Variants in RHCE observed in about 807,000 individuals in gnomAD.
RHCE encodes Rh blood group CcEe antigens, also known as blood group Rh(CE) polypeptide.
A neutral mutation model predicts 43.8 loss-of-function variants in RHCE; 22 were observed. The ratio of observed to expected loss-of-function variants is 0.50; its 90% CI spans 0.36 to 0.72. The LOEUF is 0.72. Ranked by LOEUF, RHCE falls within the 30% of genes least tolerant of loss-of-function variation. RHCE has a pLI of 0.00. For synonymous variants in RHCE, 156 were observed against 210.7 expected, an observed-to-expected ratio of 0.74 and a Z score of 2.25; for missense variants, 385 against 525.4, an observed-to-expected ratio of 0.73 and a Z score of 2.61.
Position 25,420,681 on chromosome 1 carries a change from C to A in RHCE, c.106G>T (p.Ala36Ser), listed in dbSNP as rs145034271. ...AGCCCCTTTTGATCCTCTAAGGAAG[C>A]GTCATAGTGGGTAAAAAAATAGAAG... The part of the protein sequence containing the change: ...LLFYFFTHYD[A>S]SLEDQKGLVA... The change falls in exon 1 of 10, where the codon GCT becomes TCT. Residue 36 changes from alanine (A) to serine (S), a missense_variant. Transcript: ENST00000294413. The A allele has an allele frequency of 2.5e-6, 4 of 1,613,668 alleles. No individual in the cohort carries two copies. The East Asian group carries it at 6.7e-5, about 27-fold the overall frequency.
rs184903822 is a variant in RHCE at position 25,373,045 on chromosome 1, C to A, written c.1153+2304G>T. On this transcript the variant is annotated intron_variant, in intron 8 of 9. Coordinates refer to ENST00000294413, the MANE Select transcript of RHCE (RefSeq NM_020485.8). Reference sequence around the variant, plus strand: ...TGAACTCCTGGCCTCAAGCTATTCTCCCACCTCAGCTTTCCAAAGTGCTGG... The same window carrying A: ...TGAACTCCTGGCCTCAAGCTATTCTACCACCTCAGCTTTCCAAAGTGCTGG... Among the ~76,000 whole-genome samples, 622 of 151,660 alleles carry A rather than the reference C, an allele frequency of 4.1e-3. 24 individuals are homozygous for A. Among genetic ancestry groups the A allele is most frequent in the African/African-American group, 0.014 (563 of 41,006 alleles).
At chr1:25,382,500 T>A (rs1028459288) in intron 7 of RHCE, among the ~76,000 whole-genome samples, 9 of 149,312 alleles carry the variant, frequency 6.0e-5, no homozygotes, top group African/African-American at 2.3e-4. Flanking sequence ...AACCCAAACC[T>A]GCTGACTGCC....
chr1:25,411,818 G>A (rs1647088920), intron 1 of RHCE, among the ~76,000 whole-genome samples: 1 of 152,188 alleles, frequency 6.6e-6, no homozygotes, highest in African/African-American at 2.4e-5. Flanking sequence ...TGAGGCTTGT[G>A]TTCAGTTGGA....
At chr1:25,379,371 C>T (rs1407094476) in intron 7 of RHCE, among the ~76,000 whole-genome samples, 2 of 146,986 alleles carry the variant, frequency 1.4e-5, no homozygotes, top group Non-Finnish European at 3.0e-5. Flanking sequence ...TTGAGGGATG[C>T]ATTCAAACCA....
intron 3 of RHCE, 77 bp downstream of exon 3, chr1:25,402,519 C>G: frequency 6.2e-7 from 1 of 1,612,234 alleles, no homozygotes. Context: ...CTTTATTTTT[C>G]AAAACCCCGG....
At chr1:25,424,626 G>C (rs2042791349), upstream of RHCE, among the ~76,000 whole-genome samples, 1 of 151,950 alleles carries the variant, frequency 6.6e-6, no homozygotes, top group Admixed American at 6.6e-5. Flanking sequence ...GACCTCAAGT[G>C]ATCCACCTGC....
At chr1:25,379,491 ATATATTTTTTTTTT>A (rs1374555301) in intron 7 of RHCE, among the ~76,000 whole-genome samples, 51 of 18,166 alleles carry the variant, frequency 2.8e-3, no homozygotes, top group African/African-American at 0.02. Context: ...ATATATATAT[ATATATTTTTTTTTT>A]TTTTTTTTTT....
upstream of RHCE, among the ~76,000 whole-genome samples, chr1:25,422,776 C>T (rs1359830029): frequency 6.6e-6 from 1 of 152,110 alleles, no homozygotes; most frequent in African/African-American, 2.4e-5. Flanking sequence ...TTTCCATGGA[C>T]CGGGGTGAGG....
At chr1:25,373,559 C>A (rs1645679936) in intron 8 of RHCE, among the ~76,000 whole-genome samples, 2 of 151,696 alleles carry the variant, frequency 1.3e-5, no homozygotes, top group Admixed American at 6.6e-5. Flanking sequence ...TCAAAAATTA[C>A]CCAAGTAACT....
intron 2 of RHCE, chr1:25,428,856 G>A (rs948256375): frequency 6.6e-6 from 1 of 152,368 alleles, no homozygotes; most frequent in Non-Finnish European, 1.5e-5. Flanking sequence ...CACACCAGAA[G>A]CGGCACTGAC....
chr1:25,384,968 G>A (rs151305419), intron 7 of RHCE, among the ~76,000 whole-genome samples: 20 of 152,206 alleles, frequency 1.3e-4, no homozygotes, highest in African/African-American at 4.8e-4. Flanking sequence ...TTATCATCAT[G>A]CTATCAGTTC....
intron 8 of RHCE, among the ~76,000 whole-genome samples, chr1:25,371,884 A>G (rs1258933160): frequency 6.6e-6 from 1 of 151,258 alleles, no homozygotes; most frequent in African/African-American, 2.5e-5. Context: ...TGAGATTCGT[A>G]TTTCCCTTTC....
chr1:25,387,485 G>T (rs575161374), intron 6 of RHCE, among the ~76,000 whole-genome samples: 2 of 152,226 alleles, frequency 1.3e-5, no homozygotes, highest in Non-Finnish European at 2.9e-5. Context: ...ATGAATGAGG[G>T]AATCATTTTT....
intron 8 of RHCE, among the ~76,000 whole-genome samples, chr1:25,373,245 T>C (rs1161856685): frequency 6.6e-6 from 1 of 151,644 alleles, no homozygotes; most frequent in Admixed American, 6.6e-5. Context: ...CCCGGGTACT[T>C]TGCAAGACAG....
chr1:25,430,126 G>A (rs1350397710), exon 1 of RHCE: 2 of 151,896 alleles, frequency 1.3e-5, no homozygotes, highest in Non-Finnish European at 2.9e-5. Flanking sequence ...GCGCCCGCGG[G>A]GCCCACAGCG....
intron 3 of RHCE, 74 bp downstream of exon 3, chr1:25,402,522 A>C (rs1488432731): frequency 8.7e-6 from 14 of 1,612,656 alleles, no homozygotes; most frequent in Non-Finnish European, 1.2e-5. Flanking sequence ...TATTTTTCAA[A>C]ACCCCGGAAG....
At chr1:25,410,879 C>A (rs1352714409) in intron 1 of RHCE, among the ~76,000 whole-genome samples, 1 of 152,038 alleles carries the variant, frequency 6.6e-6, no homozygotes, top group Non-Finnish European at 1.5e-5. Flanking sequence ...ATCATGAGGT[C>A]AGCAGTTCGA....
chr1:25,406,986 G>A lies in RHCE; in HGVS notation c.335+1697C>T, dbSNP rs1288749822. ...TGTCCAGGCTGGAGTAAAGTGGCAC[G>A]ATCATGGCTCACTCAGCCTCAGCCT... On this transcript the variant is annotated intron_variant, in intron 2 of 9. Transcript: ENST00000294413. Among the ~76,000 whole-genome samples, 5 of 120,772 alleles carry A rather than the reference G, an allele frequency of 4.1e-5. 1 individual carries two copies. The highest frequency in any genetic ancestry group is 7.5e-5 in the Non-Finnish European group (4 of 53,262). The allele number at this position is 120,772 out of a possible 152,430, so 79.2% of individuals were successfully genotyped here. A position where few individuals can be genotyped will look rare whatever the true frequency, so the allele number is the denominator to read the frequency against.
intron 1 of RHCE, among the ~76,000 whole-genome samples, chr1:25,412,159 C>T (rs1647100032): frequency 6.6e-6 from 1 of 152,244 alleles, no homozygotes; most frequent in African/African-American, 2.4e-5. Flanking sequence ...AACATGCCGG[C>T]AGCAGAGCGC....
Sources: allele counts gnomAD v4.1 joint callset (sites outside exome capture counted in the v4.1 genomes callset), GRCh38; gene constraint gnomAD v4.1.1; transcripts MANE v1.5; gene names NCBI Gene and HGNC (gene_info 2026-07-23, HGNC 2026-07-21).